JAK1: variants seen among roughly 807,000 people sequenced by gnomAD.
The protein encoded by JAK1 is tyrosine-protein kinase JAK1.
JAK1 carries 16 observed loss-of-function variants against 136.6 expected under a neutral mutation model. The observed-to-expected ratio is 0.12, with a 90% confidence interval of 0.08 to 0.18. The LOEUF (loss-of-function observed/expected upper bound fraction) is 0.18, where lower values mean the gene tolerates loss of function less well. Among genes scored for constraint, JAK1 ranks in the 10% least tolerant of loss-of-function variants. The probability of loss-of-function intolerance (pLI) is 1.00; values close to 1 mark genes in which losing one functional copy is unlikely to be tolerated. For missense variants in JAK1, 859 were observed against 1,450.1 expected (o/e 0.59, Z 6.62); for synonymous variants, 492 against 519.5 (o/e 0.95, Z 0.72).
At chr1:64,881,358 A>G (rs310207) in intron 3 of JAK1, among the ~76,000 whole-genome samples, 63,069 of 151,552 alleles carry the variant, frequency 0.42, 14,467 homozygotes, top group African/African-American at 0.62. Context: ...TCTTGCAGAC[A>G]AAGAATCTGT....
intron 1 of JAK1, among the ~76,000 whole-genome samples, chr1:65,065,397 T>C (rs1436062156): frequency 6.6e-6 from 1 of 152,098 alleles, no homozygotes; most frequent in Middle Eastern, 3.4e-3. Context: ...AAACATCTAA[T>C]AAATGAAAAG....
At chr1:64,966,627 T>A (rs1217522854), upstream of JAK1, 6 of 128,334 alleles carry the variant, frequency 4.7e-5, no homozygotes, top group Admixed American at 4.1e-4. Flanking sequence ...CCTCGCGACG[T>A]CACCAGCGGC....
intron 1 of JAK1, among the ~76,000 whole-genome samples, chr1:65,047,186 A>C (rs77805229): frequency 6.6e-6 from 1 of 151,836 alleles, no homozygotes; most frequent in Non-Finnish European, 1.5e-5. Context: ...TCTCCAAAAA[A>C]TTTTTTTTGT....
chr1:65,052,425 C>A (rs1647319107), intron 1 of JAK1, among the ~76,000 whole-genome samples: 2 of 152,122 alleles, frequency 1.3e-5, no homozygotes, highest in African/African-American at 4.8e-5. Flanking sequence ...CACCTGTAAT[C>A]CCAGCACTTT....
chr1:64,906,440 C>T (rs1308115946), intron 1 of JAK1, among the ~76,000 whole-genome samples: 3 of 152,138 alleles, frequency 2.0e-5, no homozygotes, highest in African/African-American at 7.2e-5. Flanking sequence ...CCCCAGCATT[C>T]ACTCTCTCAG....
chr1:64,966,889 G>T (rs952005068), upstream of JAK1, among the ~76,000 whole-genome samples: 1 of 151,950 alleles, frequency 6.6e-6, no homozygotes, highest in Non-Finnish European at 1.5e-5. Flanking sequence ...ACCTTTGTGC[G>T]CTCGATGCAG....
chr1:64,916,492 C>G (rs1645398189), intron 1 of JAK1, among the ~76,000 whole-genome samples: 1 of 152,044 alleles, frequency 6.6e-6, no homozygotes, highest in African/African-American at 2.4e-5. Context: ...ATAAGCTTTG[C>G]TGTAGGTAAA....
At chr1:65,011,347 A>G (rs1557757022) in intron 2 of JAK1, among the ~76,000 whole-genome samples, 1 of 152,068 alleles carries the variant, frequency 6.6e-6, no homozygotes, top group Non-Finnish European at 1.5e-5. Context: ...GTGGTAGTGC[A>G]TGCCAATAGT....
intron 2 of JAK1, among the ~76,000 whole-genome samples, chr1:64,999,001 T>C (rs1345633562): frequency 6.6e-6 from 1 of 152,186 alleles, no homozygotes; most frequent in Non-Finnish European, 1.5e-5. Context: ...GTAGTAAATT[T>C]GATTCATTTT....
chr1:65,048,084 G>C (rs779365674), intron 1 of JAK1, among the ~76,000 whole-genome samples: 1 of 152,148 alleles, frequency 6.6e-6, no homozygotes, highest in Non-Finnish European at 1.5e-5. Flanking sequence ...AACAGGAGTA[G>C]ATCCTGATGT....
At chr1:64,907,927 A>G (rs1259281658) in intron 1 of JAK1, among the ~76,000 whole-genome samples, 2 of 152,230 alleles carry the variant, frequency 1.3e-5, no homozygotes, top group African/African-American at 2.4e-5. Context: ...TATGACTCTT[A>G]ACTCTGTTAT....
chr1:64,839,145 CAAAAAAAAA>C (rs56058898), intron 20 of JAK1, among the ~76,000 whole-genome samples: 2 of 59,870 alleles, frequency 3.3e-5, no homozygotes, highest in Non-Finnish European at 7.1e-5. Flanking sequence ...GACTCCGTCT[CAAAAAAAAA>C]AAAAAAAAAA....
chr1:64,835,846 G>A (rs1428307671), intron 23 of JAK1, among the ~76,000 whole-genome samples: 1 of 151,972 alleles, frequency 6.6e-6, no homozygotes, highest in East Asian at 1.9e-4. Context: ...CCATAAAACT[G>A]CCCTTCATCT....
Position 64,844,528 on chromosome 1 carries a change from G to C in JAK1, c.2251+226C>G, listed in dbSNP as rs1201737454. On this transcript the variant is annotated intron_variant, in intron 16 of 24. Transcript: ENST00000342505. The surrounding 1 kb of genome is among the most constrained non-coding windows in gnomAD (Gnocchi z 5.7). ...CTTAGGATCAGCAAAACATCCCAGGGTGGGGGCCATCACCCAGGGCAGGAG... is the reference window on the plus strand; with the variant it reads ...CTTAGGATCAGCAAAACATCCCAGGCTGGGGGCCATCACCCAGGGCAGGAG... 3.3e-5 allele frequency among the ~76,000 whole-genome samples: 5 copies of C among 152,200 alleles called. No homozygotes were observed. In the East Asian group the frequency reaches 9.6e-4, roughly 29 times the overall value.
rs143775159 is a variant in JAK1, at chr1:64,962,950, T to C, written c.-78+3383A>G. ...ACCCAGGCATGGTGGAACGTGCCTG[T>C]AATCCCAGCTACTCGGGAGGCTGAG... On this transcript the variant is annotated intron_variant, in intron 1 of 24. Coordinates refer to ENST00000342505, the MANE Select transcript of JAK1 (RefSeq NM_002227.4). 7.5e-3 allele frequency among the ~76,000 whole-genome samples: 1,148 copies of C among 152,144 alleles called. 7 individuals carry two copies. The highest frequency in any genetic ancestry group is 0.026 in the African/African-American group (1,095 of 41,474).
chr1:65,005,831 A>T (rs1646799618), intron 2 of JAK1, among the ~76,000 whole-genome samples: 1 of 152,216 alleles, frequency 6.6e-6, no homozygotes, highest in Non-Finnish European at 1.5e-5. Flanking sequence ...GGAAGTGCAA[A>T]GGGCCAAAAT....
intron 1 of JAK1, among the ~76,000 whole-genome samples, chr1:64,900,006 C>A (rs1260654767): frequency 6.6e-6 from 1 of 152,152 alleles, no homozygotes; most frequent in Non-Finnish European, 1.5e-5. Flanking sequence ...ATAGTAGTTA[C>A]TTCATTTTGC....
chr1:64,951,814 A>G (rs1646095568), intron 1 of JAK1, among the ~76,000 whole-genome samples: 4 of 151,670 alleles, frequency 2.6e-5, no homozygotes, highest in African/African-American at 9.7e-5. Context: ...GCCCGCCACC[A>G]CGCCCAGCTA....
At chr1:65,050,725 G>C (rs913091392) in intron 1 of JAK1, among the ~76,000 whole-genome samples, 3 of 152,192 alleles carry the variant, frequency 2.0e-5, no homozygotes, top group African/African-American at 4.8e-5. Flanking sequence ...GCAGTGTATG[G>C]TGCAAATTTT....
Sources: gnomAD v4.1 joint callset for allele counts (sites outside exome capture counted in the v4.1 genomes callset) on GRCh38, gnomAD v4.1.1 for gene constraint, Gnocchi (gnomAD v3.1) non-coding constraint, MANE v1.5 for transcripts, NCBI Gene and HGNC (gene_info 2026-07-23, HGNC 2026-07-21) for gene names.